Variants in NEGR1 observed in about 807,000 individuals in gnomAD.
The protein encoded by NEGR1 is IgLON family member 4.
NEGR1 carries 10 observed loss-of-function variants against 40.9 expected under a neutral mutation model. The observed-to-expected ratio is 0.24, with a 90% CI of 0.15 to 0.42. NEGR1 has a LOEUF of 0.42. Among genes scored for constraint, NEGR1 ranks in the 10% least tolerant of loss-of-function variants. NEGR1 has a pLI of 1.00. For synonymous variants in NEGR1, 185 were observed against 166.8 expected (o/e 1.11, Z -0.84); for missense variants, 352 against 438.9 (o/e 0.80, Z 1.77).
intron 2 of NEGR1, among the ~76,000 whole-genome samples, chr1:71,933,166 T>C (rs1645871317): frequency 6.6e-6 from 1 of 152,044 alleles, no homozygotes; most frequent in South Asian, 2.1e-4. Context: ...CACCATCGTC[T>C]AATGACCAGC....
intron 1 of NEGR1, among the ~76,000 whole-genome samples, chr1:72,153,824 C>T (rs1319522519): frequency 6.6e-6 from 1 of 151,798 alleles, no homozygotes; most frequent in Non-Finnish European, 1.5e-5. Flanking sequence ...AATCTACTAA[C>T]TCACGGTAGC....
chr1:72,018,447 C>G (rs1646730401), intron 1 of NEGR1, among the ~76,000 whole-genome samples: 1 of 151,906 alleles, frequency 6.6e-6, no homozygotes, highest in South Asian at 2.1e-4. Flanking sequence ...CTGAATTTGT[C>G]GAAAAATATA....
intron 2 of NEGR1, among the ~76,000 whole-genome samples, chr1:71,922,005 G>A (rs1645725073): frequency 6.6e-6 from 1 of 152,102 alleles, no homozygotes; most frequent in South Asian, 2.1e-4. Context: ...TAAGAAGCCA[G>A]AGCACATGAA....
chr1:72,195,643 T>C (rs1325776577), intron 1 of NEGR1, among the ~76,000 whole-genome samples: 1 of 121,100 alleles, frequency 8.3e-6, no homozygotes, highest in Admixed American at 7.6e-5. Context: ...GTCAGGAAGT[T>C]AAGATTTTTT....
chr1:72,010,596 T>C (rs942832607), intron 1 of NEGR1, among the ~76,000 whole-genome samples: 9 of 151,968 alleles, frequency 5.9e-5, no homozygotes, highest in African/African-American at 1.9e-4. Context: ...GGTATTTATA[T>C]TCCTCTCCCT....
intron 6 of NEGR1, among the ~76,000 whole-genome samples, chr1:71,512,610 T>TCTTG (rs1647083068): frequency 1.3e-5 from 2 of 149,482 alleles, no homozygotes; most frequent in African/African-American, 4.9e-5. Flanking sequence ...TGAGAGTGAG[T>TCTTG]CTTGCTCTGT....
intron 4 of NEGR1, among the ~76,000 whole-genome samples, chr1:71,670,790 T>C (rs1652396528): frequency 6.6e-6 from 1 of 152,060 alleles, no homozygotes; most frequent in African/African-American, 2.4e-5. Context: ...TTCTGGCCCA[T>C]AGATATGTCT....
chr1:71,708,249 T>C (rs1653969424), intron 3 of NEGR1, among the ~76,000 whole-genome samples: 1 of 151,876 alleles, frequency 6.6e-6, no homozygotes, highest in South Asian at 2.1e-4. Context: ...AAAACTCAAA[T>C]AAATTCAAGA....
At chr1:71,722,487 G>A (rs188242070) in intron 3 of NEGR1, among the ~76,000 whole-genome samples, 66 of 151,876 alleles carry the variant, frequency 4.3e-4, no homozygotes, top group African/African-American at 1.2e-3. Flanking sequence ...ATGATAATAC[G>A]TCATGTATAT....
At chr1:72,155,701 T>C (rs1651332875) in intron 1 of NEGR1, among the ~76,000 whole-genome samples, 4 of 152,048 alleles carry the variant, frequency 2.6e-5, no homozygotes, top group Admixed American at 2.6e-4. Flanking sequence ...AATGATATAT[T>C]GAATTTCAGA....
chr1:72,103,102 T>C (rs1409023086), intron 1 of NEGR1, among the ~76,000 whole-genome samples: 1 of 152,122 alleles, frequency 6.6e-6, no homozygotes, highest in East Asian at 1.9e-4. Flanking sequence ...AAAAGTACTT[T>C]TCTATAAGTA....
chr1:71,581,661 C>A (rs1383426627), intron 6 of NEGR1, among the ~76,000 whole-genome samples: 1 of 151,162 alleles, frequency 6.6e-6, no homozygotes, highest in Admixed American at 6.6e-5. Flanking sequence ...AAGATAATTG[C>A]ATATTTTCTT....
chr1:71,512,838 C>T (rs1647085327), intron 6 of NEGR1, among the ~76,000 whole-genome samples: 1 of 152,108 alleles, frequency 6.6e-6, no homozygotes. Flanking sequence ...CCTTGGCCTC[C>T]CAAAGTGCTG....
At chr1:72,243,503 A>T (rs1375836328) in intron 1 of NEGR1, among the ~76,000 whole-genome samples, 1 of 151,864 alleles carries the variant, frequency 6.6e-6, no homozygotes. Flanking sequence ...AGTTGGAAAT[A>T]AAAAGAATGA....
At chr1:72,189,629 T>C (rs919099410) in intron 1 of NEGR1, among the ~76,000 whole-genome samples, 1 of 151,530 alleles carries the variant, frequency 6.6e-6, no homozygotes, top group Non-Finnish European at 1.5e-5. Context: ...CCCTTAGAAA[T>C]GTTGTTTGTT....
intron 3 of NEGR1, among the ~76,000 whole-genome samples, chr1:71,765,713 T>C (rs962889531): frequency 6.6e-5 from 10 of 152,192 alleles, no homozygotes; most frequent in Non-Finnish European, 8.8e-5. Flanking sequence ...TTTGACCTGA[T>C]TGACATTATT....
chr1:72,093,129 G>A (rs1031693109), intron 1 of NEGR1, among the ~76,000 whole-genome samples: 2 of 151,944 alleles, frequency 1.3e-5, no homozygotes, highest in Admixed American at 6.6e-5. Context: ...TCAGGACATC[G>A]AGATCATCCT....
intron 1 of NEGR1, among the ~76,000 whole-genome samples, chr1:72,170,809 T>C (rs1310135501): frequency 6.6e-6 from 1 of 152,162 alleles, no homozygotes. Flanking sequence ...AATAAAGTCT[T>C]AGATGTGCAG....
chr1:72,051,119 G>A (rs1647056027), intron 1 of NEGR1, among the ~76,000 whole-genome samples: 1 of 151,356 alleles, frequency 6.6e-6, no homozygotes, highest in African/African-American at 2.4e-5. Flanking sequence ...TGTAAGCCCA[G>A]CCCTTCTCTA....
Sources: gnomAD v4.1 joint callset for allele counts (sites outside exome capture counted in the v4.1 genomes callset) on GRCh38, gnomAD v4.1.1 for gene constraint, MANE v1.5 for transcripts, NCBI Gene and HGNC (gene_info 2026-07-23, HGNC 2026-07-21) for gene names.